Variants in PEAR1 observed in about 807,000 individuals in gnomAD.
PEAR1 encodes platelet endothelial aggregation receptor 1, also known as multiple EGF-like domains protein 12.
In PEAR1, 113 loss-of-function variants were observed where a neutral mutation model predicts 131.2. The ratio of observed to expected loss-of-function variants is 0.86; its 90% CI spans 0.74 to 1.01. The LOEUF is 1.01. PEAR1 is among the 50% of genes least tolerant of loss of function. PEAR1 has a pLI of 0.00. For synonymous variants in PEAR1, 565 were observed against 523.3 expected, an observed-to-expected ratio of 1.08 and a Z score of -1.09; for missense variants, 1,408 against 1,391.1, an observed-to-expected ratio of 1.01 and a Z score of -0.19.
chr1:156,907,539 A>G, intron 6 of PEAR1, 71 bp from the exon 7 acceptor site: 1 of 1,546,544 alleles, frequency 6.5e-7, no homozygotes. Context: ...TTGTGGGGGC[A>G]GTCCTTGGAG....
At chr1:156,903,124 C>T (rs1363613656) in intron 1 of PEAR1, among the ~76,000 whole-genome samples, 1 of 152,156 alleles carries the variant, frequency 6.6e-6, no homozygotes. Context: ...CACGTGACAT[C>T]ACTGAACATG....
chr1:156,897,851 G>T (rs1289822849), intron 1 of PEAR1, among the ~76,000 whole-genome samples: 6 of 152,168 alleles, frequency 3.9e-5, no homozygotes, highest in Admixed American at 2.6e-4. Context: ...GGAGCGCAGG[G>T]GTAGAGGTAA....
At chr1:156,911,203 TCTTTCTTTCTTTCTTTC>T (rs1329515364) in intron 15 of PEAR1, among the ~76,000 whole-genome samples, 5 of 109,488 alleles carry the variant, frequency 4.6e-5, no homozygotes, top group Admixed American at 9.4e-5. Flanking sequence ...TTCTTTCTTT[TCTTTCTTTCTTTCTTTC>T]CTTTCTTTCT....
intron 20 of PEAR1, 45 bp from the exon 21 acceptor site, chr1:156,913,647 G>T: frequency 6.2e-7 from 1 of 1,606,172 alleles, no homozygotes; most frequent in Non-Finnish European, 8.5e-7. Flanking sequence ...TGTGAGCCGG[G>T]GGAGGGGACA....
In PEAR1 at chr1:156,915,043, C is replaced by T. The variant is rs1418674981; in HGVS notation, c.*245C>T. The T allele has an allele frequency of 2.1e-6, 1 of 468,500 alleles. No homozygotes were observed. Among genetic ancestry groups the T allele is most frequent in the Non-Finnish European group, 3.7e-6 (1 of 269,176 alleles). 29.0% of individuals were successfully genotyped at this position (468,500 alleles called of 1,614,324 possible). On this transcript the variant is annotated 3_prime_UTR_variant, in exon 23 of 23. Coordinates refer to ENST00000292357, the MANE Select transcript of PEAR1 (RefSeq NM_001080471.3). ...CCCAAGGCCTCCAGGGCCCTGTGTA[C>T]ATAAACTGGTGGGTTGGAAGTTGCT...
chr1:156,913,263 A>G lies in PEAR1; in HGVS notation c.2492A>G (p.Asn831Ser). The G allele has an allele frequency of 6.2e-7, 1 of 1,606,988 alleles. No homozygotes were observed. The highest frequency in any genetic ancestry group is 8.5e-7 in the Non-Finnish European group (1 of 1,176,404). ...CACACCCTGTCGCAGTGCTCCCCAAACCCCCCACCCCCTAACAAGGTCAGT... is the reference window on the plus strand; with the variant it reads ...CACACCCTGTCGCAGTGCTCCCCAAGCCCCCCACCCCCTAACAAGGTCAGT... Reference protein sequence around the residue: ...SYHTLSQCSPNPPPPNKVPGP... With the variant: ...SYHTLSQCSPSPPPPNKVPGP... Residue 831 changes from asparagine to serine, a missense_variant, in exon 19 of 23, where the codon AAC becomes AGC. Transcript: ENST00000292357.
chr1:156,911,069 CTTTCTTT>C (rs1269830251), intron 15 of PEAR1, among the ~76,000 whole-genome samples: 1,211 of 115,566 alleles, frequency 0.01, 27 homozygotes, highest in African/African-American at 0.056. Flanking sequence ...TTCTTTCTTT[CTTTCTTT>C]CTTTCTTTCT....
rs777163890 is a variant in PEAR1 at position 156,910,652 on chromosome 1, G to C, written c.1860G>C (p.Val620=). The change falls in exon 15 of 23, where the codon GTG becomes GTC. Residue 620 remains valine, a synonymous_variant. Transcript: ENST00000292357. ...CQPGRYGKRC[V]PCKCANHSFC... is the part of the protein sequence containing the mutation. ...CTGGCCGCTATGGCAAACGCTGTGT[G>C]CCCTGCAAGTGCGCTAACCACTCCT... 28 of 1,614,030 alleles carry C rather than the reference G, an allele frequency of 1.7e-5. No individual in the cohort carries two copies. Among genetic ancestry groups the C allele is most frequent in the South Asian group, 2.2e-5 (2 of 91,088 alleles).
chr1:156,909,748 C>G lies in PEAR1; in HGVS notation c.1412-3C>G, dbSNP rs750238278. ...ATACCTACCTACCAGGCCCCTCCTC[C>G]AGGTTGGCAGCGTGGTAACTGCTCT... On this transcript the variant is annotated splice_polypyrimidine_tract_variant and splice_region_variant and intron_variant, in intron 11 of 22. Transcript: ENST00000292357. 1.3e-6 allele frequency: 2 copies of G among 1,595,770 alleles called. No individual in the cohort carries two copies. Among genetic ancestry groups the G allele is most frequent in the South Asian group, 2.2e-5 (2 of 89,104 alleles).
At position 156,913,694 on chromosome 1, in the gene PEAR1, A is replaced by C; in HGVS notation, c.2647A>C (p.Ser883Arg). 1 of 1,613,770 alleles carries C rather than the reference A, an allele frequency of 6.2e-7. No individual in the cohort carries two copies. The highest frequency in any genetic ancestry group is 8.5e-7 in the Non-Finnish European group (1 of 1,179,914). ...ACCAGTTGCCTCCTCCTCCTCAGGG[A>C]GCAGCCGCCTGGACCGAAGCTACAG... ...EPPPGPLDRG[S>R]SRLDRSYSYS... Residue 883 changes from serine to arginine, a missense_variant and splice_region_variant, in exon 21 of 23, where the codon AGC becomes CGC. Physicochemically the swap from Ser to Arg is moderately radical, Grantham distance 110. Coordinates refer to ENST00000292357, the MANE Select transcript of PEAR1 (RefSeq NM_001080471.3).
At position 156,910,376 on chromosome 1, in the gene PEAR1, G is replaced by T. The variant is rs573482425; in HGVS notation, c.1821G>T (p.Gln607His). ...CCGGATTCCGGGGCCCCTCCTGCCAGAGATGTGAGGCTCCCTACTGCCCCT... is the reference window on the plus strand; with the variant it reads ...CCGGATTCCGGGGCCCCTCCTGCCATAGATGTGAGGCTCCCTACTGCCCCT... ...CAPGFRGPSCQRSCQPGRYGK... is the reference protein window; with the variant it reads ...CAPGFRGPSCHRSCQPGRYGK... Residue 607 changes from glutamine (Q) to histidine (H), a missense_variant, in exon 14 of 23, where the codon CAG becomes CAT. By Grantham distance (24) the Gln-to-His change is conservative. Coordinates refer to ENST00000292357, the MANE Select transcript of PEAR1 (RefSeq NM_001080471.3). 15 of 1,593,000 alleles carry T rather than the reference G, an allele frequency of 9.4e-6. No individual in the cohort carries two copies. In the South Asian group the frequency reaches 1.7e-4, roughly 18 times the overall value.
intron 3 of PEAR1, chr1:156,905,121 A>T: frequency 8.1e-7 from 1 of 1,237,978 alleles, no homozygotes; most frequent in Admixed American, 2.1e-5. Flanking sequence ...TCTTTTTTTA[A>T]TAGACAAGGT....
At chr1:156,903,390 A>G (rs1329676028) in intron 1 of PEAR1, among the ~76,000 whole-genome samples, 1 of 152,188 alleles carries the variant, frequency 6.6e-6, no homozygotes, top group African/African-American at 2.4e-5. Flanking sequence ...ACTGAGCCCA[A>G]GGCTGAGTCC....
rs980869830 is a variant in PEAR1, at chr1:156,915,920, A to G, written c.*1122A>G. 11 of 152,258 alleles carry G rather than the reference A, an allele frequency of 7.2e-5. No homozygotes were observed. Among genetic ancestry groups the G allele is most frequent in the African/African-American group, 2.4e-4 (10 of 41,450 alleles). 9.4% of individuals were successfully genotyped at this position (152,258 alleles called of 1,614,324 possible). ...AGATGAGCCATCTGTATGCTCTGAC[A>G]GTTACAGACTGAATAAGTTGGAGAC... On this transcript the variant is annotated 3_prime_UTR_variant, in exon 23 of 23. Coordinates refer to ENST00000292357, the MANE Select transcript of PEAR1 (RefSeq NM_001080471.3).
chr1:156,896,361 C>T (rs1453296201), intron 1 of PEAR1, among the ~76,000 whole-genome samples: 1 of 152,178 alleles, frequency 6.6e-6, no homozygotes, highest in Non-Finnish European at 1.5e-5. Flanking sequence ...CTGCTTTGTG[C>T]TTTGAAGCAG....
At chr1:156,913,154 C>T (rs1337383303) in intron 18 of PEAR1, 40 bp from the exon 19 acceptor site, 14 of 1,597,134 alleles carry the variant, frequency 8.8e-6, no homozygotes, top group Non-Finnish European at 1.1e-5. Context: ...GGACTCCTGC[C>T]CATCGCTGAG....
At chr1:156,911,168 TTCC>T (rs1317394558) in intron 15 of PEAR1, among the ~76,000 whole-genome samples, 125 of 138,574 alleles carry the variant, frequency 9.0e-4, no homozygotes, top group African/African-American at 3.2e-3. Context: ...CTTTCTTTCT[TTCC>T]TTTCTTTTCT....
In PEAR1 at chr1:156,913,538, G is replaced by T. The variant is rs775646235; in HGVS notation, c.2644+15G>T. 6.2e-7 allele frequency: 1 copy of T among 1,611,280 alleles called. No individual in the cohort carries two copies. The highest frequency in any genetic ancestry group is 8.5e-7 in the Non-Finnish European group (1 of 1,179,756). ...TCTGGACAGGGGTAGGTGCCGGGAG[G>T]CCAGGGTCTCTGGCGCGGGTGGATG... On this transcript the variant is annotated intron_variant, in intron 20 of 22. Coordinates refer to ENST00000292357, the MANE Select transcript of PEAR1 (RefSeq NM_001080471.3).
At chr1:156,896,139 C>T (rs1649138354) in intron 1 of PEAR1, among the ~76,000 whole-genome samples, 1 of 152,224 alleles carries the variant, frequency 6.6e-6, no homozygotes, top group South Asian at 2.1e-4. Context: ...TGGCCCAAAT[C>T]CCTGCTCCGG....
Sources: allele counts gnomAD v4.1 joint callset (sites outside exome capture counted in the v4.1 genomes callset), GRCh38; gene constraint gnomAD v4.1.1; transcripts MANE v1.5; gene names NCBI Gene and HGNC (gene_info 2026-07-23, HGNC 2026-07-21).